NCAM1: variants seen among roughly 807,000 people sequenced by gnomAD.
NCAM1 encodes the protein antigen recognized by monoclonal antibody 5.1H11.
In NCAM1, 14 loss-of-function variants were observed where a neutral mutation model predicts 109.8. The ratio of observed to expected loss-of-function variants is 0.13; its 90% CI spans 0.08 to 0.20. The LOEUF is 0.20. Among genes scored for constraint, NCAM1 ranks in the 10% least tolerant of loss-of-function variants. The probability of loss-of-function intolerance (pLI) is 1.00; values close to 1 mark genes in which losing one functional copy is unlikely to be tolerated. For missense variants in NCAM1, 774 were observed against 1,109.9 expected, an observed-to-expected ratio of 0.70 and a Z score of 4.30; for synonymous variants, 418 against 442.9, an observed-to-expected ratio of 0.94 and a Z score of 0.70.
At chr11:112,986,215 A>G (rs1483811271) in intron 1 of NCAM1, among the ~76,000 whole-genome samples, 1 of 151,964 alleles carries the variant, frequency 6.6e-6, no homozygotes, top group Non-Finnish European at 1.5e-5. Context: ...TATCACATTT[A>G]TTGATTTGCA....
At chr11:113,220,482 T>G (rs1297562564) in intron 8 of NCAM1, among the ~76,000 whole-genome samples, 13 of 152,174 alleles carry the variant, frequency 8.5e-5, no homozygotes, top group African/African-American at 3.1e-4. Context: ...AAAAATTTGA[T>G]TTTAACAGAA....
chr11:113,189,619 T>A (rs1452751504), intron 1 of NCAM1, among the ~76,000 whole-genome samples: 1 of 152,110 alleles, frequency 6.6e-6, no homozygotes, highest in Non-Finnish European at 1.5e-5. Flanking sequence ...CATTCTGATT[T>A]TAGTCCTTGA....
intron 1 of NCAM1, among the ~76,000 whole-genome samples, chr11:113,093,158 C>T (rs1939429414): frequency 6.6e-6 from 1 of 152,170 alleles, no homozygotes; most frequent in South Asian, 2.1e-4. Context: ...AGTGCAGTTT[C>T]CTATTACATT....
In NCAM1 at chr11:113,207,292, T is replaced by C. The variant is rs1555113018; in HGVS notation, c.660T>C (p.Ile220=). 4 of 1,613,988 alleles carry C rather than the reference T, an allele frequency of 2.5e-6. No individual in the cohort carries two copies. The highest frequency in any genetic ancestry group is 2.2e-5 in the East Asian group (1 of 44,872). The change falls in exon 6 of 20, where the codon ATT becomes ATC. Residue 220 remains isoleucine, a synonymous_variant. Transcript: ENST00000316851. ...CTACCATCCAGGCCAGGCAGAATAT[T>C]GTGAATGCCACCGCCAACCTCGGCC... The part of the protein sequence containing the change: ...VPPTIQARQN[I]VNATANLGQS...
In NCAM1 at chr11:113,275,443, A is replaced by G. The variant is rs949899147; in HGVS notation, c.*56A>G. ...TAAAAAGTGACACAGCAGCTTCACC[A>G]GAGCATTTCCAACACCACAGACACA... On this transcript the variant is annotated 3_prime_UTR_variant, in exon 20 of 20. Coordinates refer to ENST00000316851, the MANE Select transcript of NCAM1 (RefSeq NM_181351.5). The G allele has an allele frequency of 6.3e-7, 1 of 1,577,140 alleles. No homozygotes were observed. Among genetic ancestry groups the G allele is most frequent in the Non-Finnish European group, 8.6e-7 (1 of 1,160,810 alleles).
At chr11:113,115,872 A>G (rs1321373477) in intron 1 of NCAM1, among the ~76,000 whole-genome samples, 4 of 152,224 alleles carry the variant, frequency 2.6e-5, no homozygotes, top group African/African-American at 9.6e-5. Flanking sequence ...GGGAAAATAC[A>G]CATGACATAA....
At chr11:113,237,486 G>T (rs1194549365) in intron 14 of NCAM1, among the ~76,000 whole-genome samples, 4 of 152,220 alleles carry the variant, frequency 2.6e-5, no homozygotes, top group African/African-American at 7.2e-5. Flanking sequence ...ACCAGCTCTC[G>T]AAGGCATCAG....
At chr11:113,194,783 T>C (rs1943804096) in intron 1 of NCAM1, among the ~76,000 whole-genome samples, 1 of 152,190 alleles carries the variant, frequency 6.6e-6, no homozygotes, top group Non-Finnish European at 1.5e-5. Context: ...TAGGCTGCTT[T>C]ACGCCTCAGG....
chr11:112,978,163 G>A (rs1029580168), intron 1 of NCAM1, among the ~76,000 whole-genome samples: 10 of 151,680 alleles, frequency 6.6e-5, no homozygotes, highest in African/African-American at 1.7e-4. Context: ...TTATGTATCC[G>A]AAAAGAGGTA....
intron 1 of NCAM1, among the ~76,000 whole-genome samples, chr11:112,972,312 C>T (rs1950906090): frequency 6.6e-6 from 1 of 152,086 alleles, no homozygotes; most frequent in Non-Finnish European, 1.5e-5. Context: ...GAGAGAAAAA[C>T]ACCATGAGTT....
At chr11:113,041,374 T>TA (rs1953066615) in intron 1 of NCAM1, among the ~76,000 whole-genome samples, 1 of 152,340 alleles carries the variant, frequency 6.6e-6, no homozygotes, top group African/African-American at 2.4e-5. Flanking sequence ...AGCATGCTGG[T>TA]ATATAGTCTG....
intron 1 of NCAM1, among the ~76,000 whole-genome samples, chr11:113,140,651 A>G (rs781897654): frequency 6.6e-6 from 1 of 152,188 alleles, no homozygotes; most frequent in Non-Finnish European, 1.5e-5. Context: ...ATGTTTCATT[A>G]TGGTTAAAAT....
intron 1 of NCAM1, among the ~76,000 whole-genome samples, chr11:113,118,671 G>A (rs1006388194): frequency 1.3e-5 from 2 of 151,904 alleles, no homozygotes; most frequent in Non-Finnish European, 2.9e-5. Flanking sequence ...CAGAAAAAAA[G>A]TTTCGGTGAA....
chr11:113,202,342 G>GT (rs374829054), intron 1 of NCAM1, 37 bp from the exon 2 acceptor site: 31 of 1,142,016 alleles, frequency 2.7e-5, no homozygotes, highest in Middle Eastern at 2.3e-4. Flanking sequence ...GTTTTTTTTT[G>GT]TTTTTTGTTT....
chr11:113,169,738 C>A (rs1414816839), intron 1 of NCAM1, among the ~76,000 whole-genome samples: 1 of 151,300 alleles, frequency 6.6e-6, no homozygotes, highest in Non-Finnish European at 1.5e-5. Context: ...AGCGATTCTC[C>A]TGCCTCAGCC....
In NCAM1 at chr11:113,232,371, G is replaced by A; in HGVS notation, c.1425+17G>A. The A allele has an allele frequency of 6.3e-7, 1 of 1,594,602 alleles. No homozygotes were observed. Among genetic ancestry groups the A allele is most frequent in the Non-Finnish European group, 8.5e-7 (1 of 1,170,108 alleles). ...TATCTGGAGGTGAGTCAGGATGGGG[G>A]TGGGACAGAGCAGAGAAAGCACAGT... On this transcript the variant is annotated intron_variant, in intron 11 of 19. Transcript: ENST00000316851.
chr11:113,048,693 G>A (rs1484537693), intron 1 of NCAM1, among the ~76,000 whole-genome samples: 1 of 152,164 alleles, frequency 6.6e-6, no homozygotes, highest in Non-Finnish European at 1.5e-5. Context: ...TGGACTTTGG[G>A]TTATCCTGCC....
intron 18 of NCAM1, among the ~76,000 whole-genome samples, chr11:113,271,422 G>C (rs184718121): frequency 2.8e-5 from 4 of 145,264 alleles, no homozygotes; most frequent in Admixed American, 6.8e-5. Context: ...AGAAATGTAT[G>C]TATACCTGTG....
At chr11:113,214,344 T>C (rs1944466921) in intron 7 of NCAM1, 25 bp from the exon 8 acceptor site, 3 of 1,611,690 alleles carry the variant, frequency 1.9e-6, no homozygotes, top group Non-Finnish European at 2.5e-6. Context: ...TTAGATAAAC[T>C]CAGAGAAATG....
Sources: gnomAD v4.1 joint callset for allele counts (sites outside exome capture counted in the v4.1 genomes callset) on GRCh38, gnomAD v4.1.1 for gene constraint, MANE v1.5 for transcripts, NCBI Gene and HGNC (gene_info 2026-07-23, HGNC 2026-07-21) for gene names.